Variants in CDH2 observed in about 807,000 individuals in gnomAD.
The protein encoded by CDH2 is cadherin-2.
CDH2 carries 17 observed loss-of-function variants against 92.0 expected under a neutral mutation model. The ratio of observed to expected loss-of-function variants is 0.18; its 90% CI spans 0.13 to 0.28. The LOEUF is 0.28. CDH2 is among the 10% of genes least tolerant of loss of function. The pLI is 1.00. For missense variants in CDH2, 862 were observed against 1,133.1 expected (o/e 0.76, Z 3.44); for synonymous variants, 419 against 415.9 (o/e 1.01, Z -0.09).
intron 1 of CDH2, among the ~76,000 whole-genome samples, chr18:28,161,124 A>G (rs1191942543): frequency 6.6e-6 from 1 of 152,186 alleles, no homozygotes; most frequent in Non-Finnish European, 1.5e-5. Context: ...GCCCACTATC[A>G]GTCCATCCCT....
intron 2 of CDH2, among the ~76,000 whole-genome samples, chr18:28,033,994 G>A (rs945171121): frequency 5.3e-5 from 8 of 151,906 alleles, no homozygotes; most frequent in Non-Finnish European, 1.0e-4. Flanking sequence ...CCATACTCTC[G>A]ATTAGTCTGA....
At chr18:28,131,599 A>G (rs1012019362) in intron 2 of CDH2, among the ~76,000 whole-genome samples, 1 of 152,156 alleles carries the variant, frequency 6.6e-6, no homozygotes, top group Non-Finnish European at 1.5e-5. Flanking sequence ...ATTATGGAAG[A>G]CATTTAGAAG....
At chr18:28,165,326 G>A (rs2016362162) in intron 1 of CDH2, among the ~76,000 whole-genome samples, 1 of 152,080 alleles carries the variant, frequency 6.6e-6, no homozygotes, top group Non-Finnish European at 1.5e-5. Flanking sequence ...GGGACTATAG[G>A]TGTGTGCTCC....
chr18:28,034,648 C>G (rs1485305190), intron 2 of CDH2, among the ~76,000 whole-genome samples: 1 of 151,226 alleles, frequency 6.6e-6, no homozygotes, highest in East Asian at 1.9e-4. Flanking sequence ...TGCTAAAGTT[C>G]GTATGTCATC....
chr18:28,162,589 A>T (rs1266075110), intron 1 of CDH2, among the ~76,000 whole-genome samples: 1 of 152,176 alleles, frequency 6.6e-6, no homozygotes, highest in Non-Finnish European at 1.5e-5. Context: ...AGTTTGCTCC[A>T]TGAAACTGAG....
chr18:28,174,493 T>C (rs760477346), intron 1 of CDH2, among the ~76,000 whole-genome samples: 6 of 152,224 alleles, frequency 3.9e-5, no homozygotes, highest in South Asian at 2.1e-4. Context: ...CTTGTACTCA[T>C]GAATTAGAGG....
chr18:27,954,392 G>A (rs1253969714), intron 15 of CDH2: 1 of 152,202 alleles, frequency 6.6e-6, no homozygotes, highest in Non-Finnish European at 1.5e-5. Context: ...CAACCACACT[G>A]TAAGGCTTGG....
At chr18:27,963,238 A>C (rs1249683733) in intron 15 of CDH2, 119 bp downstream of exon 15, 4 of 825,388 alleles carry the variant, frequency 4.8e-6, no homozygotes, top group African/African-American at 1.7e-5. Flanking sequence ...GAACTTCAGA[A>C]ACACAAGTAT....
intron 2 of CDH2, among the ~76,000 whole-genome samples, chr18:28,049,841 C>T (rs986096079): frequency 6.6e-6 from 1 of 152,214 alleles, no homozygotes; most frequent in South Asian, 2.1e-4. Context: ...CAAATAGTCA[C>T]TACCCTCTTA....
intron 2 of CDH2, among the ~76,000 whole-genome samples, chr18:28,078,037 T>C (rs2014758708): frequency 1.3e-5 from 2 of 152,166 alleles, no homozygotes; most frequent in African/African-American, 4.8e-5. Flanking sequence ...ACATCAAAGT[T>C]GGACATAAAC....
At chr18:28,126,449 GT>G (rs1229065232) in intron 2 of CDH2, among the ~76,000 whole-genome samples, 1 of 152,028 alleles carries the variant, frequency 6.6e-6, no homozygotes, top group East Asian at 1.9e-4. Context: ...TTCTCAATCT[GT>G]TTACTGAATC....
chr18:28,049,192 TA>T (rs951687277), intron 2 of CDH2, among the ~76,000 whole-genome samples: 4 of 152,030 alleles, frequency 2.6e-5, no homozygotes, highest in Non-Finnish European at 4.4e-5. Context: ...AGAAAAAGTT[TA>T]AAAAAATAAG....
chr18:28,093,304 TA>T (rs2015069760), intron 2 of CDH2, among the ~76,000 whole-genome samples: 1 of 152,068 alleles, frequency 6.6e-6, no homozygotes, highest in Non-Finnish European at 1.5e-5. Context: ...ATCAGATAAA[TA>T]AAAACAAAGC....
chr18:28,028,224 A>G (rs2013608565), intron 2 of CDH2, among the ~76,000 whole-genome samples: 1 of 152,096 alleles, frequency 6.6e-6, no homozygotes, highest in South Asian at 2.1e-4. Flanking sequence ...GTGGCCTCAA[A>G]ATGTGCTACA....
Position 27,952,286 on chromosome 18 carries a change from C to T in CDH2, c.2588G>A (p.Ser863Asn). ...GCTCAAGGACCCAGCAGTGGAGCCA[C>T]TGCCTTCATAGTCAAACACTAACAG... The part of the protein sequence containing the change: ...DSLLVFDYEG[S>N]GSTAGSLSSL... Residue 863 changes from serine (S) to asparagine (N), a missense_variant, in exon 16 of 16, where the codon AGT becomes AAT. Physicochemically the swap from Ser to Asn is conservative, Grantham distance 46. Coordinates refer to ENST00000269141, the MANE Select transcript of CDH2 (RefSeq NM_001792.5). 1 of 1,613,696 alleles carries T rather than the reference C, an allele frequency of 6.2e-7. No homozygotes were observed. The highest frequency in any genetic ancestry group is 8.5e-7 in the Non-Finnish European group (1 of 1,179,750).
intron 2 of CDH2, among the ~76,000 whole-genome samples, chr18:28,128,569 C>T (rs2015714924): frequency 6.6e-6 from 1 of 151,892 alleles, no homozygotes; most frequent in South Asian, 2.1e-4. Context: ...GCCTGTAGTC[C>T]CAGCTACTTG....
chr18:28,135,382 A>G (rs1023968593), intron 2 of CDH2, among the ~76,000 whole-genome samples: 6 of 152,202 alleles, frequency 3.9e-5, no homozygotes, highest in African/African-American at 9.6e-5. Context: ...TTAGGAAATA[A>G]TAAATTATAA....
chr18:28,139,094 A>G (rs949185465), intron 2 of CDH2, among the ~76,000 whole-genome samples: 6 of 152,116 alleles, frequency 3.9e-5, no homozygotes, highest in African/African-American at 9.7e-5. Context: ...AAAATCATCA[A>G]GACAAAATGA....
At chr18:28,003,227 T>C (rs974333838) in intron 6 of CDH2, 58 bp from the exon 7 acceptor site, 31 of 1,309,404 alleles carry the variant, frequency 2.4e-5, no homozygotes, top group Non-Finnish European at 3.0e-5. Context: ...GACCCCAAAA[T>C]AGAAGGTATA....
Sources: allele counts gnomAD v4.1 joint callset (sites outside exome capture counted in the v4.1 genomes callset), GRCh38; gene constraint gnomAD v4.1.1; transcripts MANE v1.5; gene names NCBI Gene and HGNC (gene_info 2026-07-23, HGNC 2026-07-21).